Variants in LIMS2 observed in about 807,000 individuals in gnomAD.
The protein encoded by LIMS2 is LIM zinc finger domain containing 2, also known as LIM and senescent cell antigen-like-containing domain protein 2.
LIMS2 carries 30 observed loss-of-function variants against 45.3 expected under a neutral mutation model. The ratio of observed to expected loss-of-function variants is 0.66; its 90% CI spans 0.50 to 0.90. LIMS2 has a LOEUF of 0.90. Ranked by LOEUF, LIMS2 falls within the 40% of genes least tolerant of loss-of-function variation. The probability of loss-of-function intolerance (pLI) is 0.00; values close to 1 mark genes in which losing one functional copy is unlikely to be tolerated. For synonymous variants in LIMS2, 173 were observed against 188.0 expected (o/e 0.92, Z 0.65); for missense variants, 485 against 468.7 (o/e 1.03, Z -0.32).
rs1682081353 is a variant in LIMS2 at position 127,638,618 on chromosome 2, C to CGGGGCGGAACCG, written c.*651_*662dup. 1 of 152,784 alleles carries CGGGGCGGAACCG rather than the reference C, an allele frequency of 6.5e-6. No individual in the cohort carries two copies. The highest frequency in any genetic ancestry group is 2.4e-5 in the African/African-American group (1 of 41,466). 9.5% of individuals were successfully genotyped at this position (152,784 alleles called of 1,614,324 possible). On this transcript the variant is annotated 3_prime_UTR_variant, in exon 10 of 10. Transcript: ENST00000355119. ...AGCCCCAAGGTCGGGGGGAGAGGGGCGGGGCGGAACCGAGGGCGGAGGCCA... is the reference window on the plus strand; with the variant it reads ...AGCCCCAAGGTCGGGGGGAGAGGGGCGGGGCGGAACCGGGGGCGGAACCGAGGGCGGAGGCCA...
rs1573836851 is a variant in LIMS2 at position 127,664,092 on chromosome 2, G to A, written c.12-6530C>T. On this transcript the variant is annotated intron_variant, in intron 1 of 9. Coordinates refer to ENST00000355119, the MANE Select transcript of LIMS2 (RefSeq NM_001161403.3). The surrounding 1 kb of genome is among the most constrained non-coding windows in gnomAD (Gnocchi z 5.5). ...TCGTCTCTAACATAGGTCCCTGGGC[G>A]CACCCTGCCAGGAGAGCTGATCACA... 1.3e-5 allele frequency among the ~76,000 whole-genome samples: 2 copies of A among 152,148 alleles called. No homozygotes were observed. The highest frequency in any genetic ancestry group is 2.1e-4 in the South Asian group (1 of 4,830).
At chr2:127,668,247 A>G (rs1365945488) in intron 1 of LIMS2, among the ~76,000 whole-genome samples, 26 of 152,234 alleles carry the variant, frequency 1.7e-4, no homozygotes, top group Non-Finnish European at 3.7e-4. Flanking sequence ...ACAACACTAC[A>G]TCAAATTGAC....
At chr2:127,662,290 T>C (rs1684720649) in intron 1 of LIMS2, among the ~76,000 whole-genome samples, 1 of 152,108 alleles carries the variant, frequency 6.6e-6, no homozygotes, top group Non-Finnish European at 1.5e-5. Context: ...CATGCTTCTG[T>C]CCTCCTTCCA....
chr2:127,641,123 G>A, intron 6 of LIMS2, 135 bp from the exon 7 acceptor site: 1 of 661,558 alleles, frequency 1.5e-6, no homozygotes, highest in Middle Eastern at 3.5e-4. Context: ...GGAGGCAGCA[G>A]TGACAGAAGG....
rs1430895154 is a variant in LIMS2, at chr2:127,642,797, T to C, written c.509+126A>G. ...CCTGCAGCCTTGCTCTCGGGACCCC[T>C]CTGTCTGCCCACCCTGCTCCCCTCT... On this transcript the variant is annotated intron_variant, in intron 5 of 9. Transcript: ENST00000355119. This position sits in a 1 kb window ranked among gnomAD's most constrained non-coding sequence, Gnocchi z 5.3. 5.4e-6 allele frequency: 6 copies of C among 1,101,596 alleles called. No homozygotes were observed. The highest frequency in any genetic ancestry group is 6.4e-6 in the Non-Finnish European group (5 of 784,312). The allele number at this position is 1,101,596 out of a possible 1,614,324, so 68.2% of individuals were successfully genotyped here. A position where few individuals can be genotyped will look rare whatever the true frequency, so the allele number is the denominator to read the frequency against.
intron 4 of LIMS2, chr2:127,652,011 G>GGA (rs1390989853): frequency 1.3e-5 from 7 of 539,054 alleles, no homozygotes; most frequent in Non-Finnish European, 2.4e-5. Flanking sequence ...TCTGTGGCAG[G>GGA]GAGAGAGGAG....
At chr2:127,650,003 C>T in intron 4 of LIMS2, 1 of 1,605,994 alleles carries the variant, frequency 6.2e-7, no homozygotes, top group Non-Finnish European at 8.5e-7. Context: ...GGTCTCCCCA[C>T]CTGTCAGGAT....
At chr2:127,654,050 C>T (rs1414778891) in intron 4 of LIMS2, among the ~76,000 whole-genome samples, 1 of 151,944 alleles carries the variant, frequency 6.6e-6, no homozygotes, top group African/African-American at 2.4e-5. Flanking sequence ...TCTGGAGTAC[C>T]CATGAGGTTT....
intron 4 of LIMS2, chr2:127,651,469 T>C: frequency 6.2e-7 from 1 of 1,612,940 alleles, no homozygotes; most frequent in Admixed American, 1.7e-5. Flanking sequence ...GCCATCTTCC[T>C]GGTCTGCTTC....
At chr2:127,661,579 C>G (rs527915573) in intron 1 of LIMS2, among the ~76,000 whole-genome samples, 1 of 152,210 alleles carries the variant, frequency 6.6e-6, no homozygotes, top group Non-Finnish European at 1.5e-5. Context: ...CCACTACCCA[C>G]CCCCAGCTGG....
rs770810051 is a variant in LIMS2, at chr2:127,657,457, G to C, written c.117C>G (p.His39Gln). 2 of 1,613,904 alleles carry C rather than the reference G, an allele frequency of 1.2e-6. No individual in the cohort carries two copies. Residue 39 changes from histidine to glutamine, a missense_variant, in exon 2 of 10, where the codon CAC (histidine) becomes CAG (glutamine). By Grantham distance (24) the His-to-Gln change is conservative (BLOSUM62 0). Transcript: ENST00000355119. ...GGAAGCACTGGGCACACACGAAGCA[G>C]TGCTCATGGTACAGCTCCCCATTGC... ...VNSNGELYHEHCFVCAQCFRP... is the reference protein window; with the variant it reads ...VNSNGELYHEQCFVCAQCFRP...
chr2:127,657,779 C>G (rs1307585998), intron 1 of LIMS2, among the ~76,000 whole-genome samples: 1 of 152,240 alleles, frequency 6.6e-6, no homozygotes, highest in Non-Finnish European at 1.5e-5. Context: ...ACTTGGGCCC[C>G]TATTACCCCT....
intron 1 of LIMS2, among the ~76,000 whole-genome samples, chr2:127,668,665 T>C (rs1465292603): frequency 3.9e-5 from 1 of 25,530 alleles, no homozygotes; most frequent in Non-Finnish European, 7.0e-5. Context: ...TGAGACTCCG[T>C]CTCAAAAAAA....
intron 7 of LIMS2, chr2:127,640,689 A>G: frequency 3.3e-6 from 2 of 602,402 alleles, no homozygotes; most frequent in South Asian, 3.9e-5. Context: ...CACCAGCCCC[A>G]GAACATTCTT....
At chr2:127,681,608 G>C (rs995426374) in exon 1 of LIMS2, 1 of 152,320 alleles carries the variant, frequency 6.6e-6, no homozygotes, top group South Asian at 2.1e-4. Context: ...GGCCTCCCCA[G>C]GGAGGTGCTG....
rs190240163 is a variant in LIMS2, at chr2:127,641,355, C to T, written c.661-367G>A. ...AGCCTGGTGCTGCGGCATGGTGGGC[C>T]CTCATAGGCAGAGGCGGCCCTGCCT... On this transcript the variant is annotated intron_variant, in intron 6 of 9. Transcript: ENST00000355119. 11 of 230,734 alleles carry T rather than the reference C, an allele frequency of 4.8e-5. No individual in the cohort carries two copies. In the East Asian group the frequency reaches 1.2e-3, roughly 24 times the overall value. The allele number at this position is 230,734 out of a possible 1,614,324, so 14.3% of individuals were successfully genotyped here.
upstream of LIMS2, among the ~76,000 whole-genome samples, chr2:127,675,597 C>T (rs1321972513): frequency 6.6e-6 from 1 of 152,068 alleles, no homozygotes. Flanking sequence ...CAAGCACCCC[C>T]ACCCCCACAG....
rs1454757617 is a variant in LIMS2 at position 127,654,895 on chromosome 2, A to G, written c.173T>C (p.Phe58Ser). ...GTGTTCGCAGTACTTCCGGCCTTCA[A>G]ACTGCAAAGGGGTCGCAGAGAGAGG... ...RPFPEGLFYE[F>S]EGRKYCEHDF... The change falls in exon 3 of 10, where the codon TTT becomes TCT. Residue 58 changes from phenylalanine (F) to serine (S), a missense_variant and splice_region_variant. By Grantham distance (155) the Phe-to-Ser change is radical. Transcript: ENST00000355119. 6.2e-7 allele frequency: 1 copy of G among 1,613,844 alleles called. No individual in the cohort carries two copies. The highest frequency in any genetic ancestry group is 1.3e-5 in the African/African-American group (1 of 74,926).
chr2:127,673,857 A>T, intron 1 of LIMS2: 1 of 869,154 alleles, frequency 1.2e-6, no homozygotes, highest in Non-Finnish European at 1.9e-6. Flanking sequence ...GGGCCTGCAG[A>T]TGCCACTCTC....
Sources: allele counts gnomAD v4.1 joint callset (sites outside exome capture counted in the v4.1 genomes callset), GRCh38; gene constraint gnomAD v4.1.1; non-coding constraint Gnocchi (gnomAD v3.1); transcripts MANE v1.5; gene names NCBI Gene and HGNC (gene_info 2026-07-23, HGNC 2026-07-21).